The following ROBO2 variants were observed in gnomAD, a reference collection of about 807,000 sequenced individuals.
ROBO2 encodes roundabout homolog 2.
A neutral mutation model predicts 160.8 loss-of-function variants in ROBO2; 53 were observed. The ratio of observed to expected loss-of-function variants is 0.33; its 90% CI spans 0.26 to 0.41. ROBO2 has a LOEUF of 0.41. ROBO2 is among the 10% of genes least tolerant of loss of function. ROBO2 has a pLI of 1.00. For synonymous variants in ROBO2, 664 were observed against 611.7 expected (o/e 1.09, Z -1.26); for missense variants, 1,577 against 1,722.4 (o/e 0.92, Z 1.49).
chr3:75,979,888 CTTAGT>C (rs2065230387), intron 2 of ROBO2, among the ~76,000 whole-genome samples: 1 of 151,432 alleles, frequency 6.6e-6, no homozygotes, highest in Admixed American at 6.6e-5. Flanking sequence ...ATGTAAGTTG[CTTAGT>C]TTATTTTCTC....
At chr3:76,786,281 C>G (rs1445768875) in intron 2 of ROBO2, among the ~76,000 whole-genome samples, 1 of 151,032 alleles carries the variant, frequency 6.6e-6, no homozygotes, top group African/African-American at 2.4e-5. Flanking sequence ...TAAATGAGAC[C>G]TATATTAGTC....
intron 2 of ROBO2, among the ~76,000 whole-genome samples, chr3:77,172,001 T>A (rs1397945293): frequency 6.6e-6 from 1 of 152,214 alleles, no homozygotes; most frequent in Non-Finnish European, 1.5e-5. Context: ...ATTAATCATG[T>A]TTAGGCTAAT....
intron 2 of ROBO2, among the ~76,000 whole-genome samples, chr3:76,065,435 G>A (rs867462942): frequency 1.3e-5 from 2 of 151,900 alleles, no homozygotes; most frequent in South Asian, 2.1e-4. Context: ...GTGTTGTGTT[G>A]AATAATTACT....
At chr3:77,030,877 C>T (rs1197426044) in intron 2 of ROBO2, among the ~76,000 whole-genome samples, 1 of 152,188 alleles carries the variant, frequency 6.6e-6, no homozygotes, top group Non-Finnish European at 1.5e-5. Context: ...TCTACATGGA[C>T]ATTCATTTGA....
intron 21 of ROBO2, among the ~76,000 whole-genome samples, chr3:77,613,677 G>A (rs1026435110): frequency 1.5e-4 from 23 of 152,020 alleles, no homozygotes; most frequent in Admixed American, 1.2e-3. Flanking sequence ...CAATACATAC[G>A]CGTATGACTT....
chr3:77,028,682 G>A (rs2063125779), intron 2 of ROBO2, among the ~76,000 whole-genome samples: 1 of 152,104 alleles, frequency 6.6e-6, no homozygotes, highest in African/African-American at 2.4e-5. Context: ...TCGCGTCACT[G>A]TACTCCAGCC....
At chr3:77,406,436 CAG>C in intron 2 of ROBO2, among the ~76,000 whole-genome samples, 1 of 152,196 alleles carries the variant, frequency 6.6e-6, no homozygotes, top group African/African-American at 2.4e-5. Context: ...GTGAAAATGG[CAG>C]AGTCAGAAAT....
chr3:77,634,219 A>T (rs1447124820), intron 23 of ROBO2: 1 of 152,972 alleles, frequency 6.5e-6, no homozygotes, highest in African/African-American at 2.4e-5. Context: ...ATACAATAAT[A>T]TTAATCAGAA....
In ROBO2 at chr3:76,707,731, G is replaced by GTATATA. The variant is rs56401900; in HGVS notation, c.110-390258_110-390253dup. On this transcript the variant is annotated intron_variant, in intron 2 of 26. Transcript: ENST00000487694. ...CACACACATTAGAATACATGTGTGT[G>GTATATA]TATATATATATATATATATATATAT... 9.7e-3 allele frequency among the ~76,000 whole-genome samples: 1,297 copies of GTATATA among 134,122 alleles called. 7 individuals carry two copies. Among genetic ancestry groups the GTATATA allele is most frequent in the African/African-American group, 0.022 (795 of 36,724 alleles). 88.0% of individuals were successfully genotyped at this position (134,122 alleles called of 152,430 possible).
intron 2 of ROBO2, among the ~76,000 whole-genome samples, chr3:76,223,326 C>T (rs190589073): frequency 7.1e-4 from 108 of 151,670 alleles, no homozygotes; most frequent in African/African-American, 2.5e-3. Flanking sequence ...TGGGGCAATG[C>T]GGGGTTAACC....
chr3:77,329,193 A>C (rs1652320398), intron 2 of ROBO2, among the ~76,000 whole-genome samples: 1 of 152,230 alleles, frequency 6.6e-6, no homozygotes, highest in Non-Finnish European at 1.5e-5. Context: ...AAGCTAATTT[A>C]GCATTGGGAA....
chr3:76,103,293 T>C (rs1253866755), intron 2 of ROBO2, among the ~76,000 whole-genome samples: 1 of 152,208 alleles, frequency 6.6e-6, no homozygotes, highest in Non-Finnish European at 1.5e-5. Flanking sequence ...CTTTCTTGTC[T>C]ATGTATATCA....
At position 77,027,090 on chromosome 3, in the gene ROBO2, G is replaced by A. The variant is rs1215256295; in HGVS notation, c.110-70924G>A. Among the ~76,000 whole-genome samples the A allele has an allele frequency of 1.3e-5, 2 of 152,284 alleles. 1 individual carries two copies. Among genetic ancestry groups the A allele is most frequent in the South Asian group, 4.1e-4 (2 of 4,828 alleles). On this transcript the variant is annotated intron_variant, in intron 2 of 26. Coordinates refer to the ROBO2 transcript ENST00000487694. Reference sequence around the variant, plus strand: ...AGCAGTGAAAAGTCATGTAGCTTGAGCATCAATTCTAATTTAAAAGCATTT... The same window carrying A: ...AGCAGTGAAAAGTCATGTAGCTTGAACATCAATTCTAATTTAAAAGCATTT...
intron 23 of ROBO2, chr3:77,632,279 C>T (rs770516766): frequency 3.7e-5 from 18 of 485,546 alleles, no homozygotes; most frequent in Non-Finnish European, 5.8e-5. Context: ...CAAACAGATA[C>T]AGGTTTCAAA....
At chr3:76,756,757 C>T (rs1031063831) in intron 2 of ROBO2, among the ~76,000 whole-genome samples, 3 of 151,856 alleles carry the variant, frequency 2.0e-5, no homozygotes, top group Admixed American at 1.3e-4. Flanking sequence ...AGCTTTCAAA[C>T]CGGTTTTGAT....
At chr3:76,234,660 T>TA (rs1379624340) in intron 2 of ROBO2, among the ~76,000 whole-genome samples, 1 of 152,182 alleles carries the variant, frequency 6.6e-6, no homozygotes, top group Non-Finnish European at 1.5e-5. Context: ...ATGCTTGTCA[T>TA]ACACTGTTTT....
exon 12 of ROBO2, chr3:77,565,058 G>C (rs1304681106): frequency 1.2e-6 from 2 of 1,613,590 alleles, no homozygotes; most frequent in African/African-American, 2.7e-5. Context: ...TTCATGGTCA[G>C]AGCGATCAAC....
At chr3:77,355,209 T>G (rs1183091766) in intron 2 of ROBO2, among the ~76,000 whole-genome samples, 3 of 152,210 alleles carry the variant, frequency 2.0e-5, no homozygotes, top group African/African-American at 7.2e-5. Flanking sequence ...ATCACATACC[T>G]TTATGATCAA....
intron 2 of ROBO2, among the ~76,000 whole-genome samples, chr3:76,761,176 A>AAACCCTTAT (rs1183106902): frequency 6.6e-6 from 1 of 151,796 alleles, no homozygotes; most frequent in African/African-American, 2.4e-5. Context: ...AGCAGTGGAC[A>AAACCCTTAT]AACCCTTATT....
Sources: allele counts gnomAD v4.1 joint callset (sites outside exome capture counted in the v4.1 genomes callset), GRCh38; gene constraint gnomAD v4.1.1; transcripts MANE v1.5; gene names NCBI Gene and HGNC (gene_info 2026-07-23, HGNC 2026-07-21).